BTBD8: variants seen among roughly 807,000 people sequenced by gnomAD.
BTBD8 encodes BTB/POZ domain-containing protein 8.
In BTBD8, 110 loss-of-function variants were observed where a neutral mutation model predicts 162.9. That is an observed-to-expected ratio of 0.68 (90% CI 0.58 to 0.79). The LOEUF (loss-of-function observed/expected upper bound fraction) is 0.79. BTBD8 is among the 30% of genes least tolerant of loss of function. The probability of loss-of-function intolerance (pLI) is 0.00; values close to 1 mark genes in which losing one functional copy is unlikely to be tolerated. For synonymous variants in BTBD8, 667 were observed against 716.1 expected, an observed-to-expected ratio of 0.93 and a Z score of 1.10; for missense variants, 1,905 against 2,085.4, an observed-to-expected ratio of 0.91 and a Z score of 1.68.
chr1:92,173,092 A>G (rs747349248), intron 13 of BTBD8, among the ~76,000 whole-genome samples: 13 of 151,942 alleles, frequency 8.6e-5, no homozygotes, highest in Non-Finnish European at 1.9e-4. Flanking sequence ...TGCCTGCCTA[A>G]TTTTGTATTT....
intron 5 of BTBD8, among the ~76,000 whole-genome samples, chr1:92,133,531 A>G (rs910914274): frequency 1.3e-5 from 2 of 152,236 alleles, no homozygotes; most frequent in African/African-American, 4.8e-5. Context: ...TTCCATCAAT[A>G]GATTCGAAGA....
At chr1:92,164,709 T>A (rs1171085941) in intron 9 of BTBD8, among the ~76,000 whole-genome samples, 4 of 147,064 alleles carry the variant, frequency 2.7e-5, no homozygotes, top group South Asian at 2.2e-4. Flanking sequence ...TCCCCCAGGC[T>A]GGAGTGCAGT....
intron 2 of BTBD8, among the ~76,000 whole-genome samples, chr1:92,094,750 C>A (rs918521827): frequency 6.6e-6 from 1 of 152,088 alleles, no homozygotes; most frequent in African/African-American, 2.4e-5. Context: ...AGAAGACTAA[C>A]CTGGTTATTG....
At chr1:92,154,027 A>T (rs1002710732) in intron 9 of BTBD8, among the ~76,000 whole-genome samples, 1 of 152,098 alleles carries the variant, frequency 6.6e-6, no homozygotes, top group East Asian at 1.9e-4. Flanking sequence ...TTCTCACTCT[A>T]GTAGTTCACA....
At chr1:92,128,910 T>A (rs1388483586) in intron 4 of BTBD8, among the ~76,000 whole-genome samples, 1 of 152,124 alleles carries the variant, frequency 6.6e-6, no homozygotes, top group East Asian at 1.9e-4. Context: ...GTAGGTTTTT[T>A]GTTTTTTGGT....
rs1649515657 is a variant in BTBD8, at chr1:92,131,543, G to A, written c.752+1767G>A. Reference sequence around the variant, plus strand: ...GTTCAGGACCAGCCTGACCAACATGGTGAAACCACGTCTCTACTAAAAATA... The same window carrying A: ...GTTCAGGACCAGCCTGACCAACATGATGAAACCACGTCTCTACTAAAAATA... On this transcript the variant is annotated intron_variant, in intron 5 of 17. Transcript: ENST00000636805. 2.0e-5 allele frequency among the ~76,000 whole-genome samples: 3 copies of A among 152,098 alleles called. No individual in the cohort carries two copies. The South Asian group carries it at 6.2e-4, about 32-fold the overall frequency.
chr1:92,176,971 C>T lies in BTBD8; in HGVS notation c.1778C>T (p.Thr593Ile). The change falls in exon 14 of 18, where the codon ACC (threonine) becomes ATC (isoleucine). Residue 593 changes from threonine to isoleucine, a missense_variant. Around this residue, in one of 3 missense-constraint regions of BTBD8, gnomAD observed 1,374 missense variants for 1,442.7 expected, o/e 0.95. Transcript: ENST00000636805. Reference protein sequence around the residue: ...GLGASGHSSSTNRNSINKTLK... With the variant: ...GLGASGHSSSINRNSINKTLK... ...GGAGCATCTGGACATTCGTCAAGTACCAATAGAAATAGTATAAATAAAACT... is the reference window on the plus strand; with the variant it reads ...GGAGCATCTGGACATTCGTCAAGTATCAATAGAAATAGTATAAATAAAACT... 6.5e-7 allele frequency: 1 copy of T among 1,546,708 alleles called. No homozygotes were observed. Among genetic ancestry groups the T allele is most frequent in the Non-Finnish European group, 8.7e-7 (1 of 1,144,680 alleles).
Position 92,184,102 on chromosome 1 carries a change from C to T in BTBD8, c.5151C>T (p.Ser1717=), listed in dbSNP as rs926115698. Residue 1717 remains serine, a synonymous_variant, in exon 18 of 18, where the codon TCC becomes TCT. Coordinates refer to ENST00000636805, the MANE Select transcript of BTBD8 (RefSeq NM_001376131.1). ...EQDSNLDVTN[S]VPEDLSLAQY... ...ATTCAAACTTAGATGTTACAAATTC[C>T]GTTCCTGAAGACTTAAGTTTAGCAC... The T allele has an allele frequency of 2.4e-5, 37 of 1,551,492 alleles. No individual in the cohort carries two copies. Among genetic ancestry groups the T allele is most frequent in the Admixed American group, 2.2e-4 (11 of 50,976 alleles).
rs1259286133 is a variant in BTBD8, at chr1:92,167,103, A to G, written c.1268A>G (p.Lys423Arg). 3 of 1,550,586 alleles carry G rather than the reference A, an allele frequency of 1.9e-6. No homozygotes were observed. The Admixed American group carries it at 5.9e-5, about 30-fold the overall frequency. Reference protein sequence around the residue: ...CIAFIVDNFSKIIQSENFALL... With the variant: ...CIAFIVDNFSRIIQSENFALL... ...GCATTTATTGTAGACAACTTCTCCA[A>G]GATTATTCAGAGTGAAAATTTTGCT... Residue 423 changes from lysine to arginine, a missense_variant, in exon 10 of 18, where the codon AAG becomes AGG. Coordinates refer to ENST00000636805, the MANE Select transcript of BTBD8 (RefSeq NM_001376131.1).
chr1:92,105,557 T>TA (rs1216526783), intron 3 of BTBD8, among the ~76,000 whole-genome samples: 64 of 152,364 alleles, frequency 4.2e-4, no homozygotes, highest in African/African-American at 1.4e-3. Context: ...CCAGCCAAAA[T>TA]ATATCTTAAA....
intron 13 of BTBD8, among the ~76,000 whole-genome samples, chr1:92,174,327 A>G (rs1650640465): frequency 6.6e-6 from 1 of 152,082 alleles, no homozygotes; most frequent in Non-Finnish European, 1.5e-5. Context: ...AATAGCAGGC[A>G]TAGGCCCAAG....
At chr1:92,119,650 G>C (rs1254318866) in intron 4 of BTBD8, among the ~76,000 whole-genome samples, 3 of 145,400 alleles carry the variant, frequency 2.1e-5, no homozygotes, top group Non-Finnish European at 3.0e-5. Context: ...TTTTTGAGAC[G>C]GAGTCTCGCT....
At chr1:92,107,840 T>A in intron 3 of BTBD8, 44 bp from the exon 4 acceptor site, 1 of 1,493,268 alleles carries the variant, frequency 6.7e-7, no homozygotes, top group Non-Finnish European at 9.1e-7. Context: ...TTTGGACGTT[T>A]GTAATATTAA....
intron 2 of BTBD8, among the ~76,000 whole-genome samples, chr1:92,092,253 T>C (rs1206689807): frequency 1.3e-5 from 2 of 151,862 alleles, no homozygotes; most frequent in Admixed American, 1.3e-4. Flanking sequence ...ATACAAAAAA[T>C]TAGCTGGATG....
At chr1:92,109,753 A>G (rs1169135211) in intron 4 of BTBD8, among the ~76,000 whole-genome samples, 1 of 152,200 alleles carries the variant, frequency 6.6e-6, no homozygotes, top group African/African-American at 2.4e-5. Context: ...TCAGTAGTTC[A>G]GATAATACAT....
rs770820138 is a variant in BTBD8, at chr1:92,182,222, T to C, written c.4539T>C (p.Thr1513=). 9.5e-5 allele frequency: 147 copies of C among 1,550,436 alleles called. No homozygotes were observed. Among genetic ancestry groups the C allele is most frequent in the Non-Finnish European group, 1.2e-4 (143 of 1,146,746 alleles). Residue 1513 remains threonine (T), a synonymous_variant, in exon 17 of 18, where the codon ACT becomes ACC. Transcript: ENST00000636805. ...KGNSVCKNES[T]VLDLSSIDSS... ...ATAGTGTATGTAAAAATGAAAGCAC[T>C]GTCTTGGATCTTAGTAGCATTGACT...
At chr1:92,086,017 G>A (rs2101890899) in intron 1 of BTBD8, among the ~76,000 whole-genome samples, 1 of 152,264 alleles carries the variant, frequency 6.6e-6, no homozygotes, top group African/African-American at 2.4e-5. Context: ...GAAAGAAAGT[G>A]GTGTATCAAG....
chr1:92,139,317 A>G, intron 5 of BTBD8, 33 bp from the exon 6 acceptor site: 1 of 1,544,346 alleles, frequency 6.5e-7, no homozygotes, highest in Non-Finnish European at 8.6e-7. Flanking sequence ...GTTAAACCTT[A>G]ATTCTGGATT....
At chr1:92,165,796 G>A (rs1393241830) in intron 9 of BTBD8, among the ~76,000 whole-genome samples, 1 of 152,116 alleles carries the variant, frequency 6.6e-6, no homozygotes, top group Non-Finnish European at 1.5e-5. Context: ...AAGCTGCAAG[G>A]CTTCTTGAGG....
Sources: allele counts gnomAD v4.1 joint callset (sites outside exome capture counted in the v4.1 genomes callset), GRCh38; gene constraint gnomAD v4.1.1; regional missense constraint gnomAD v4.1.1; transcripts MANE v1.5; gene names NCBI Gene and HGNC (gene_info 2026-07-23, HGNC 2026-07-21).